The following TMEM67 variants were observed in gnomAD, a reference collection of about 807,000 sequenced individuals.
TMEM67 encodes transmembrane protein 67, also known as meckelin.
Under a neutral mutation model 136.6 loss-of-function variants are expected in TMEM67, and 124 were observed. That is an observed-to-expected ratio of 0.91 (90% CI 0.78 to 1.05). The LOEUF is 1.05. Among genes scored for constraint, TMEM67 ranks in the 50% least tolerant of loss-of-function variants. The probability of loss-of-function intolerance (pLI) is 0.00; values close to 1 mark genes in which losing one functional copy is unlikely to be tolerated. For missense variants in TMEM67, 1,107 were observed against 1,178.4 expected (o/e 0.94, Z 0.89); for synonymous variants, 364 against 390.5 (o/e 0.93, Z 0.80).
chr8:93,785,859 A>G (rs989107944), intron 12 of TMEM67: 9 of 254,566 alleles, frequency 3.5e-5, no homozygotes, highest in Non-Finnish European at 6.8e-5. Context: ...GAATTGCTTG[A>G]GCCTAGAAAT....
chr8:93,797,234 G>A lies in TMEM67; in HGVS notation c.1960+1G>A. 2.5e-6 allele frequency: 4 copies of A among 1,611,914 alleles called. No homozygotes were observed. The highest frequency in any genetic ancestry group is 3.4e-6 in the Non-Finnish European group (4 of 1,177,994). On this transcript the variant is annotated splice_donor_variant, in intron 19 of 27. Transcript: ENST00000453321. LOFTEE classifies it high-confidence loss of function. ...GGAAAGGTTCTTAAAGCTGTTGAAG[G>A]TAACTGAAATAAAAAATATTTGTAC... is the stretch of plus-strand genomic sequence containing the variant.
At chr8:93,820,734 AAGCTGTGTAGT>A (rs1352474497), downstream of TMEM67, among the ~76,000 whole-genome samples, 1 of 152,188 alleles carries the variant, frequency 6.6e-6, no homozygotes, top group Non-Finnish European at 1.5e-5. Context: ...ATGTGAATAT[AAGCTGTGTAGT>A]AGTAGTAATA....
chr8:93,807,670 A>G lies in TMEM67; in HGVS notation c.2440-1170A>G, dbSNP rs537858053. ...TTGTAAATTTTCTGCAATGGCATGA[A>G]TATTTTTAATCAAGAAAAAAATTTT... On this transcript the variant is annotated intron_variant, in intron 23 of 27. Coordinates refer to ENST00000453321, the MANE Select transcript of TMEM67 (RefSeq NM_153704.6). 1.5e-3 allele frequency among the ~76,000 whole-genome samples: 228 copies of G among 152,124 alleles called. 1 individual carries two copies. The highest frequency in any genetic ancestry group is 3.9e-3 in the Admixed American group (59 of 15,296).
At chr8:93,781,589 A>T (rs1317868393) in intron 9 of TMEM67, 69 bp from the exon 10 acceptor site, 2 of 661,134 alleles carry the variant, frequency 3.0e-6, no homozygotes, top group Non-Finnish European at 2.6e-6. Context: ...CAACAATGAA[A>T]ATTTCTTTAT....
rs1483899242 is a variant in TMEM67, at chr8:93,804,867, A to G, written c.2428A>G (p.Lys810Glu). 6.4e-7 allele frequency: 1 copy of G among 1,557,350 alleles called. No individual in the cohort carries two copies. The highest frequency in any genetic ancestry group is 2.2e-5 in the East Asian group (1 of 44,500). The change falls in exon 23 of 28, where the codon AAA (lysine) becomes GAA (glutamate). Residue 810 changes from lysine to glutamate, a missense_variant. This residue lies in a region of TMEM67 where 925 missense variants were observed against 1,002.4 expected (regional missense o/e 0.92). Coordinates refer to ENST00000453321, the MANE Select transcript of TMEM67 (RefSeq NM_153704.6). ...TATGGAAGAAATGAATATGAACCTT[A>G]AAAGAGAAGCGGTATGAAAATGTTT... is the stretch of plus-strand genomic sequence containing the variant. ...TNMEEMNMNL[K>E]REAENLCSQR...
intron 26 of TMEM67, among the ~76,000 whole-genome samples, chr8:93,810,432 T>C (rs1808657720): frequency 6.6e-6 from 1 of 151,874 alleles, no homozygotes; most frequent in Non-Finnish European, 1.5e-5. Flanking sequence ...ATACAAAACT[T>C]AGCCAGGCAT....
At chr8:93,798,033 C>T (rs546777437) in intron 20 of TMEM67, among the ~76,000 whole-genome samples, 4 of 152,204 alleles carry the variant, frequency 2.6e-5, no homozygotes, top group Non-Finnish European at 4.4e-5. Context: ...CACATTGCCA[C>T]GCAAAATCAT....
At chr8:93,825,725 G>C in the TMEM67 span, among the ~76,000 whole-genome samples, 4 of 152,222 alleles carry the variant, frequency 2.6e-5, no homozygotes, top group African/African-American at 7.2e-5. Flanking sequence ...AGAATTTTCA[G>C]ATAATTTAGA....
Position 93,757,090 on chromosome 8 carries a change from T to TATAAATAA in TMEM67, c.312+1259_312+1266dup, listed in dbSNP as rs57425175. The TATAAATAA allele has an allele frequency of 1.1e-3, 166 of 146,536 alleles. 2 individuals are homozygous for TATAAATAA. Among genetic ancestry groups the TATAAATAA allele is most frequent in the Admixed American group, 2.9e-3 (42 of 14,668 alleles). 9.1% of individuals were successfully genotyped at this position (146,536 alleles called of 1,614,324 possible). A position where few individuals can be genotyped will look rare whatever the true frequency, so the allele number is the denominator to read the frequency against. ...CTCTGTCTCAAAAAAATAAATAAAATATAAATAAATAAATAAATAAATAAA... is the reference window on the plus strand; with the variant it reads ...CTCTGTCTCAAAAAAATAAATAAAATATAAATAAATAAATAAATAAATAAATAAATAAA... On this transcript the variant is annotated intron_variant, in intron 2 of 27. Coordinates refer to ENST00000453321, the MANE Select transcript of TMEM67 (RefSeq NM_153704.6).
At chr8:93,793,127 C>G in intron 15 of TMEM67, 71 bp from the exon 16 acceptor site, 1 of 1,404,738 alleles carries the variant, frequency 7.1e-7, no homozygotes, top group South Asian at 1.2e-5. Context: ...CACTTCCTTA[C>G]TTGTTCACAG....
chr8:93,823,991 A>G (rs1809076619), downstream of TMEM67, among the ~76,000 whole-genome samples: 1 of 152,220 alleles, frequency 6.6e-6, no homozygotes, highest in African/African-American at 2.4e-5. Context: ...AGCCAAAGTC[A>G]ATGATCTAAT....
chr8:93,825,811 G>A, the TMEM67 span, among the ~76,000 whole-genome samples: 1 of 152,230 alleles, frequency 6.6e-6, no homozygotes, highest in African/African-American at 2.4e-5. Context: ...CAGGGATGCT[G>A]AGAGAGGTTA....
rs1044877256 is a variant in TMEM67, at chr8:93,804,658, A to G, written c.2323-104A>G. 15 of 673,806 alleles carry G rather than the reference A, an allele frequency of 2.2e-5. 1 individual carries two copies. In the South Asian group the frequency reaches 2.4e-4, roughly 11 times the overall value. The allele number at this position is 673,806 out of a possible 1,614,324, so 41.7% of individuals were successfully genotyped here. On this transcript the variant is annotated intron_variant, in intron 22 of 27. Transcript: ENST00000453321. Reference sequence around the variant, plus strand: ...TCTTTATATATTTCCCAAGAATACAATCTTCATTATTTTGGGAAAAAGAAA... The same window carrying G: ...TCTTTATATATTTCCCAAGAATACAGTCTTCATTATTTTGGGAAAAAGAAA...
At chr8:93,765,735 T>G (rs144628395) in intron 6 of TMEM67, 89 bp downstream of exon 6, 1 of 845,888 alleles carries the variant, frequency 1.2e-6, no homozygotes, top group East Asian at 2.4e-5. Flanking sequence ...GAGAAACCCT[T>G]TTGTGTAAAT....
chr8:93,781,084 CT>C, intron 9 of TMEM67, 102 bp downstream of exon 9: 1 of 778,210 alleles, frequency 1.3e-6, no homozygotes, highest in South Asian at 1.5e-5. Context: ...TTGGTACAAA[CT>C]CAGTTACTAA....
intron 10 of TMEM67, among the ~76,000 whole-genome samples, chr8:93,782,191 G>A (rs998210214): frequency 6.6e-6 from 1 of 152,148 alleles, no homozygotes; most frequent in African/African-American, 2.4e-5. Context: ...TGGGATTGCA[G>A]GCATGAGCCA....
downstream of TMEM67, among the ~76,000 whole-genome samples, chr8:93,821,796 AAGG>A (rs1210134912): frequency 2.0e-5 from 3 of 152,166 alleles, no homozygotes; most frequent in African/African-American, 7.2e-5. Flanking sequence ...GCTACTCAGG[AAGG>A]AGGATCACTT....
chr8:93,808,872 C>G lies in TMEM67; in HGVS notation c.2472C>G (p.Pro824=). ...ENLCSQRGLV[P]NTDGQTFEIA... ...TGTGTAGCCAGAGAGGTTTGGTACC[C>G]AACACAGATGGTCAGACTTTTGAGA... The change falls in exon 24 of 28, where the codon CCC becomes CCG. Residue 824 remains proline (P), a synonymous_variant. Coordinates refer to ENST00000453321, the MANE Select transcript of TMEM67 (RefSeq NM_153704.6). 1 of 1,612,228 alleles carries G rather than the reference C, an allele frequency of 6.2e-7. No homozygotes were observed. Among genetic ancestry groups the G allele is most frequent in the Non-Finnish European group, 8.5e-7 (1 of 1,178,716 alleles).
At position 93,797,190 on chromosome 8, in the gene TMEM67, T is replaced by A. The variant is rs1237230292; in HGVS notation, c.1917T>A (p.Ile639=). The A allele has an allele frequency of 1.2e-6, 2 of 1,613,394 alleles. No individual in the cohort carries two copies. Among genetic ancestry groups the A allele is most frequent in the Non-Finnish European group, 1.7e-6 (2 of 1,179,476 alleles). The part of the protein sequence containing the change: ...ISQITIDVFF[I]DWERPKGKVL... ...AGATTACAATAGATGTATTCTTTAT[T>A]GATTGGGAGCGACCTAAAGGAAAGG... The change falls in exon 19 of 28, where the codon ATT becomes ATA. Residue 639 remains isoleucine, a synonymous_variant. Transcript: ENST00000453321.
Sources: gnomAD v4.1 joint callset for allele counts (sites outside exome capture counted in the v4.1 genomes callset) on GRCh38, gnomAD v4.1.1 for gene constraint, gnomAD v4.1.1 regional missense constraint, MANE v1.5 for transcripts, NCBI Gene and HGNC (gene_info 2026-07-23, HGNC 2026-07-21) for gene names.